Variants in C3orf70 observed in about 807,000 individuals in gnomAD.
The protein encoded by C3orf70 is chromosome 3 open reading frame 70, also known as UPF0524 protein C3orf70.
Under a neutral mutation model 20.7 loss-of-function variants are expected in C3orf70, and 15 were observed. The observed-to-expected ratio is 0.72, with a 90% CI of 0.48 to 1.11. The LOEUF is 1.11. Ranked by LOEUF, C3orf70 falls within the 50% of genes most tolerant of loss-of-function variation. The probability of loss-of-function intolerance (pLI) is 0.00; values close to 1 mark genes in which losing one functional copy is unlikely to be tolerated. For synonymous variants in C3orf70, 161 were observed against 125.7 expected, an observed-to-expected ratio of 1.28 and a Z score of -1.88; for missense variants, 332 against 317.6, an observed-to-expected ratio of 1.05 and a Z score of -0.34.
At chr3:185,099,350 G>C (rs1056878732) in intron 1 of C3orf70, among the ~76,000 whole-genome samples, 1 of 152,206 alleles carries the variant, frequency 6.6e-6, no homozygotes, top group African/African-American at 2.4e-5. Flanking sequence ...ACAAAGGGAA[G>C]TCCATCAGAC....
At chr3:185,114,677 A>G (rs1028715232) in intron 1 of C3orf70, among the ~76,000 whole-genome samples, 1 of 152,230 alleles carries the variant, frequency 6.6e-6, no homozygotes, top group East Asian at 1.9e-4. Flanking sequence ...ATTTGAAACC[A>G]TAGAAGCATA....
At chr3:185,115,225 A>C (rs1210693906) in intron 1 of C3orf70, among the ~76,000 whole-genome samples, 1 of 151,976 alleles carries the variant, frequency 6.6e-6, no homozygotes, top group Non-Finnish European at 1.5e-5. Context: ...ATAATCTTTA[A>C]GGTCCCTTTT....
chr3:185,150,444 G>T (rs1716968714), intron 1 of C3orf70, among the ~76,000 whole-genome samples: 1 of 152,118 alleles, frequency 6.6e-6, no homozygotes, highest in Admixed American at 6.5e-5. Context: ...TCATTCTAAT[G>T]AAATGAAATT....
At chr3:185,124,572 C>T (rs1189746192) in intron 1 of C3orf70, among the ~76,000 whole-genome samples, 1 of 152,058 alleles carries the variant, frequency 6.6e-6, no homozygotes, top group East Asian at 1.9e-4. Flanking sequence ...ATGAAACTTA[C>T]ACTATAAAAT....
chr3:185,125,663 A>C (rs1673750577), intron 1 of C3orf70, among the ~76,000 whole-genome samples: 1 of 152,236 alleles, frequency 6.6e-6, no homozygotes, highest in African/African-American at 2.4e-5. Flanking sequence ...TAAACTGCAA[A>C]AGAAAAGAAT....
intron 1 of C3orf70, among the ~76,000 whole-genome samples, chr3:185,095,234 T>A (rs757137105): frequency 5.9e-5 from 9 of 152,172 alleles, no homozygotes; most frequent in Non-Finnish European, 1.2e-4. Context: ...GTGGGTTGAG[T>A]TACTAGACTG....
At chr3:185,136,286 C>A (rs1229215507) in intron 1 of C3orf70, among the ~76,000 whole-genome samples, 2 of 152,268 alleles carry the variant, frequency 1.3e-5, no homozygotes, top group South Asian at 4.1e-4. Flanking sequence ...ATGCATCAGA[C>A]AAAAGAACTA....
At chr3:185,112,209 G>T (rs761156868) in intron 1 of C3orf70, among the ~76,000 whole-genome samples, 3 of 152,186 alleles carry the variant, frequency 2.0e-5, no homozygotes, top group Admixed American at 2.0e-4. Flanking sequence ...AGAATCGCTT[G>T]AACCTGGGAG....
At chr3:185,091,905 A>C in intron 1 of C3orf70, among the ~76,000 whole-genome samples, 1 of 76,450 alleles carries the variant, frequency 1.3e-5, no homozygotes, top group Admixed American at 1.7e-4. Flanking sequence ...ATACACACAC[A>C]CACATACATA....
rs1459084004 is a variant in C3orf70, at chr3:185,077,029, C to T, written c.*5978G>A. Among the ~76,000 whole-genome samples, 3 of 152,024 alleles carry T rather than the reference C, an allele frequency of 2.0e-5. No homozygotes were observed. Among genetic ancestry groups the T allele is most frequent in the Non-Finnish European group, 4.4e-5 (3 of 68,024 alleles). ...AAAGATCAGTTAGCTTTAGGAAAGG[C>T]AGAGCTAGTCTTGAATGCTAGTCAA... is the stretch of plus-strand genomic sequence containing the variant. On this transcript the variant is annotated 3_prime_UTR_variant, in exon 2 of 2. Transcript: ENST00000335012.
chr3:185,096,759 C>A (rs1295763470), intron 1 of C3orf70, among the ~76,000 whole-genome samples: 1 of 152,162 alleles, frequency 6.6e-6, no homozygotes, highest in Non-Finnish European at 1.5e-5. Flanking sequence ...CATGCCCTCT[C>A]CACAAGGCAA....
chr3:185,110,859 A>G (rs1716056800), intron 1 of C3orf70, among the ~76,000 whole-genome samples: 1 of 152,224 alleles, frequency 6.6e-6, no homozygotes, highest in South Asian at 2.1e-4. Context: ...TTAATTTAAT[A>G]TCTATAGAAA....
chr3:185,148,458 A>G (rs922898340), intron 1 of C3orf70, among the ~76,000 whole-genome samples: 1 of 152,126 alleles, frequency 6.6e-6, no homozygotes, highest in African/African-American at 2.4e-5. Flanking sequence ...AATTTAATTA[A>G]CCCTATAGAT....
At position 185,152,772 on chromosome 3, in the gene C3orf70, GT is replaced by G. The variant is rs1420565397; in HGVS notation, c.51del (p.Lys17AsnfsTer2). The G allele has an allele frequency of 1.9e-6, 3 of 1,583,538 alleles. No homozygotes were observed. The highest frequency in any genetic ancestry group is 8.6e-7 in the Non-Finnish European group (1 of 1,165,672). The part of the protein sequence containing the change: ...PASERGWKSE[K>X]LDEAQALARS... ...CGCGCCAGGGCCTGAGCCTCATCTA[GT>G]TTCTCGCTCTTCCAACCCCGCTCCG... is the stretch of plus-strand genomic sequence containing the variant. On this transcript the variant is annotated frameshift_variant, in exon 1 of 2. Coordinates refer to ENST00000335012, the MANE Select transcript of C3orf70 (RefSeq NM_001025266.3). LOFTEE classifies it high-confidence loss of function.
chr3:185,104,777 A>T (rs1232723626), intron 1 of C3orf70, among the ~76,000 whole-genome samples: 1 of 152,186 alleles, frequency 6.6e-6, no homozygotes, highest in Non-Finnish European at 1.5e-5. Flanking sequence ...ATGAGAACAC[A>T]TGGACACATA....
chr3:185,119,391 G>A (rs754374294), intron 1 of C3orf70, among the ~76,000 whole-genome samples: 10 of 152,140 alleles, frequency 6.6e-5, no homozygotes, highest in Non-Finnish European at 1.3e-4. Context: ...GGTGGTTCAC[G>A]CCTGTAATCC....
At chr3:185,106,205 C>T (rs1190033760) in intron 1 of C3orf70, among the ~76,000 whole-genome samples, 2 of 152,092 alleles carry the variant, frequency 1.3e-5, no homozygotes, top group African/African-American at 4.8e-5. Context: ...CTTGGCAGTT[C>T]CCTGTTAGAA....
intron 1 of C3orf70, among the ~76,000 whole-genome samples, chr3:185,102,312 A>G (rs147216225): frequency 5.9e-5 from 9 of 152,360 alleles, no homozygotes; most frequent in Non-Finnish European, 8.8e-5. Context: ...AATCCCATTC[A>G]CAATTGACAC....
At chr3:185,135,697 C>T (rs946179961) in intron 1 of C3orf70, among the ~76,000 whole-genome samples, 1 of 151,884 alleles carries the variant, frequency 6.6e-6, no homozygotes, top group Non-Finnish European at 1.5e-5. Context: ...TGATGAATAC[C>T]CAAAATGCCC....
Sources: gnomAD v4.1 joint callset for allele counts (sites outside exome capture counted in the v4.1 genomes callset) on GRCh38, gnomAD v4.1.1 for gene constraint, MANE v1.5 for transcripts, NCBI Gene and HGNC (gene_info 2026-07-23, HGNC 2026-07-21) for gene names.